APOL5: variants seen among roughly 807,000 people sequenced by gnomAD.
APOL5 encodes apolipoprotein L, 5.
Under a neutral mutation model 35.5 loss-of-function variants are expected in APOL5, and 29 were observed. The observed-to-expected ratio is 0.82, with a 90% CI of 0.61 to 1.11. The LOEUF is 1.11. Ranked by LOEUF, APOL5 falls within the 50% of genes most tolerant of loss-of-function variation. The pLI is 0.00. For missense variants in APOL5, 514 were observed against 530.4 expected (o/e 0.97, Z 0.30); for synonymous variants, 188 against 200.2 (o/e 0.94, Z 0.51).
At chr22:35,724,826 G>T (rs567192942) in intron 2 of APOL5, among the ~76,000 whole-genome samples, 1 of 152,194 alleles carries the variant, frequency 6.6e-6, no homozygotes, top group African/African-American at 2.4e-5. Context: ...GGTCAGGCTG[G>T]TCTTGACCTC....
chr22:35,717,761 AAGAAAAG>A, upstream of APOL5: 2 of 431,956 alleles, frequency 4.6e-6, no homozygotes, highest in Non-Finnish European at 6.8e-6. Context: ...AAAGAAAGAA[AAGAAAAG>A]AAAAAAAAAT....
At chr22:35,709,938 C>T in the APOL5 span, among the ~76,000 whole-genome samples, 2 of 151,962 alleles carry the variant, frequency 1.3e-5, no homozygotes, top group African/African-American at 4.8e-5. Flanking sequence ...CCTCACATCT[C>T]TGTTTTATGC....
upstream of APOL5, among the ~76,000 whole-genome samples, chr22:35,713,184 C>T (rs184094100): frequency 6.6e-6 from 1 of 152,190 alleles, no homozygotes; most frequent in Non-Finnish European, 1.5e-5. Context: ...TCCTTTTAAT[C>T]TAGTTTATCT....
upstream of APOL5, among the ~76,000 whole-genome samples, chr22:35,715,788 C>G (rs1267689420): frequency 6.6e-6 from 1 of 152,176 alleles, no homozygotes; most frequent in African/African-American, 2.4e-5. Flanking sequence ...TAACACACAT[C>G]TCTGCCTTCA....
chr22:35,712,861 CT>C, the APOL5 span, among the ~76,000 whole-genome samples: 1 of 152,200 alleles, frequency 6.6e-6, no homozygotes, highest in Admixed American at 6.5e-5. Context: ...AAGGTGGAGT[CT>C]TTTCCCCTCT....
the APOL5 span, among the ~76,000 whole-genome samples, chr22:35,710,576 T>C: frequency 6.6e-6 from 1 of 152,118 alleles, no homozygotes; most frequent in African/African-American, 2.4e-5. Flanking sequence ...TTTCAAGCAT[T>C]GTTAAGGGTA....
At position 35,726,285 on chromosome 22, in the gene APOL5, A is replaced by G; in HGVS notation, c.217A>G (p.Met73Val). The change falls in exon 3 of 5, where the codon ATG becomes GTG. Residue 73 changes from methionine to valine, a missense_variant. Around this residue, in one of 3 missense-constraint regions of APOL5, gnomAD observed 254 missense variants for 254.7 expected, o/e 1.00. Transcript: ENST00000249044. ...AACTGTCCACAGTGATGAGGCTGGT[A>G]TGCTGTCCTACTTTCTGTTTGAAGA... ...MSTVHSDEAG[M>V]LSYFLFEELM... 1 of 1,614,216 alleles carries G rather than the reference A, an allele frequency of 6.2e-7. No individual in the cohort carries two copies. Among genetic ancestry groups the G allele is most frequent in the Non-Finnish European group, 8.5e-7 (1 of 1,180,038 alleles).
At chr22:35,719,014 G>A (rs5755927) in intron 1 of APOL5, among the ~76,000 whole-genome samples, 4 of 151,078 alleles carry the variant, frequency 2.6e-5, no homozygotes, top group Non-Finnish European at 5.9e-5. Flanking sequence ...AGCCGAGATC[G>A]CACCACTGCA....
chr22:35,713,343 T>G (rs999742066), upstream of APOL5, among the ~76,000 whole-genome samples: 1 of 152,294 alleles, frequency 6.6e-6, no homozygotes, highest in South Asian at 2.1e-4. Context: ...TGTACTATGA[T>G]GGAGATAGCG....
chr22:35,724,001 C>T (rs1183819166), intron 2 of APOL5, among the ~76,000 whole-genome samples: 2 of 152,168 alleles, frequency 1.3e-5, no homozygotes, highest in Non-Finnish European at 2.9e-5. Flanking sequence ...ATATTCAACA[C>T]TGTCCCACTG....
Position 35,726,922 on chromosome 22 carries a change from T to C in APOL5, c.854T>C (p.Leu285Pro), listed in dbSNP as rs1927184675. 1 of 1,614,206 alleles carries C rather than the reference T, an allele frequency of 6.2e-7. No homozygotes were observed. Among genetic ancestry groups the C allele is most frequent in the East Asian group, 2.2e-5 (1 of 44,878 alleles). The change falls in exon 3 of 5, where the codon CTG (leucine) becomes CCG (proline). Residue 285 changes from leucine to proline, a missense_variant. Coordinates refer to ENST00000249044, the MANE Select transcript of APOL5 (RefSeq NM_030642.1). The part of the protein sequence containing the change: ...GVQRAFEGTT[L>P]AMTNGAWVMG... ...CAGAGAGCCTTTGAGGGCACAACTCTGGCCATGACCAATGGTGCCTGGGTG... is the reference window on the plus strand; with the variant it reads ...CAGAGAGCCTTTGAGGGCACAACTCCGGCCATGACCAATGGTGCCTGGGTG...
chr22:35,719,767 A>G (rs1182676977), intron 1 of APOL5, among the ~76,000 whole-genome samples: 1 of 152,144 alleles, frequency 6.6e-6, no homozygotes, highest in Non-Finnish European at 1.5e-5. Context: ...AGCCCCAGTG[A>G]GCTTATCGGA....
At chr22:35,725,225 C>A (rs190292287) in intron 2 of APOL5, among the ~76,000 whole-genome samples, 1 of 152,042 alleles carries the variant, frequency 6.6e-6, no homozygotes, top group Admixed American at 6.6e-5. Context: ...TTACTCAAGT[C>A]GGTTTCTCCA....
chr22:35,716,171 C>T (rs1005897982), upstream of APOL5, among the ~76,000 whole-genome samples: 4 of 152,224 alleles, frequency 2.6e-5, no homozygotes, highest in Admixed American at 2.0e-4. Flanking sequence ...TTACCATGTA[C>T]TTGGCAGCAT....
upstream of APOL5, chr22:35,717,725 A>G (rs1276935690): frequency 7.1e-6 from 3 of 424,528 alleles, no homozygotes; most frequent in Non-Finnish European, 1.2e-5. Flanking sequence ...GGCAGCAGAG[A>G]GAAGCTCCAT....
upstream of APOL5, among the ~76,000 whole-genome samples, chr22:35,717,235 A>AAAAAT: frequency 3.0e-3 from 171 of 57,660 alleles, 3 homozygotes; most frequent in South Asian, 0.014. Context: ...AAAAAAAAAA[A>AAAAAT]ATATATATAT....
At chr22:35,719,526 C>T (rs1926883404) in intron 1 of APOL5, among the ~76,000 whole-genome samples, 1 of 152,234 alleles carries the variant, frequency 6.6e-6, no homozygotes, top group South Asian at 2.1e-4. Context: ...CCCCGATTGT[C>T]TTGGTGCCTA....
At chr22:35,725,071 G>A (rs560795920) in intron 2 of APOL5, among the ~76,000 whole-genome samples, 1 of 152,270 alleles carries the variant, frequency 6.6e-6, no homozygotes, top group South Asian at 2.1e-4. Context: ...CTGTCTGTCT[G>A]TCTGTCTGCT....
Position 35,720,588 on chromosome 22 carries a change from GA to G in APOL5, c.79del (p.Met27CysfsTer6). ...VLPGLGEGCK[E>X]MWLRKVIYGG... ...TCCAGGCTTGGGAGAAGGTTGTAAA[GA>G]AATGTGGCTTCGAAAGGTAATCTAC... On this transcript the variant is annotated frameshift_variant, in exon 2 of 5. Coordinates refer to ENST00000249044, the MANE Select transcript of APOL5 (RefSeq NM_030642.1). LOFTEE classifies it high-confidence loss of function. 1 of 1,614,180 alleles carries G rather than the reference GA, an allele frequency of 6.2e-7. No individual in the cohort carries two copies. Among genetic ancestry groups the G allele is most frequent in the Non-Finnish European group, 8.5e-7 (1 of 1,180,034 alleles).
Sources: gnomAD v4.1 joint callset for allele counts (sites outside exome capture counted in the v4.1 genomes callset) on GRCh38, gnomAD v4.1.1 for gene constraint, gnomAD v4.1.1 regional missense constraint, MANE v1.5 for transcripts, NCBI Gene and HGNC (gene_info 2026-07-23, HGNC 2026-07-21) for gene names.